SETD2: variants seen among roughly 807,000 people sequenced by gnomAD.
The protein encoded by SETD2 is histone-lysine N-methyltransferase SETD2.
In SETD2, 31 loss-of-function variants were observed where a neutral mutation model predicts 242.1. That is an observed-to-expected ratio of 0.13 (90% confidence interval 0.10 to 0.17). SETD2 has a LOEUF of 0.17. SETD2 is among the 10% of genes least tolerant of loss of function. The probability of loss-of-function intolerance (pLI) is 1.00; values close to 1 mark genes in which losing one functional copy is unlikely to be tolerated. For synonymous variants in SETD2, 1,006 were observed against 1,066.5 expected (o/e 0.94, Z 1.11); for missense variants, 2,481 against 3,046.3 (o/e 0.81, Z 4.37).
intron 13 of SETD2, among the ~76,000 whole-genome samples, chr3:47,066,061 A>C (rs2040544186): frequency 6.6e-6 from 1 of 152,204 alleles, no homozygotes; most frequent in Non-Finnish European, 1.5e-5. Context: ...CCAAGACAGC[A>C]AGACTAATCC....
intron 1 of SETD2, among the ~76,000 whole-genome samples, chr3:47,160,446 G>T (rs1313324901): frequency 1.3e-5 from 2 of 150,458 alleles, no homozygotes; most frequent in Non-Finnish European, 2.9e-5. Flanking sequence ...GATTACAGGC[G>T]CCTGCCACCA....
intron 9 of SETD2, among the ~76,000 whole-genome samples, chr3:47,096,607 G>A (rs1374974679): frequency 6.7e-6 from 1 of 150,220 alleles, no homozygotes; most frequent in South Asian, 2.1e-4. Flanking sequence ...GGGGGGCTGG[G>A]CACTGTGGCT....
At chr3:47,134,322 C>T (rs937345291) in intron 1 of SETD2, among the ~76,000 whole-genome samples, 2 of 152,248 alleles carry the variant, frequency 1.3e-5, no homozygotes, top group Admixed American at 6.5e-5. Context: ...GCACCTATGG[C>T]GTTATATATT....
rs1169772394 is a variant in SETD2, at chr3:47,044,119, G to A, written c.7099-1419C>T. ...GCACTTTGGAAGGCCGAGGCAGGTG[G>A]ATCACGAGGTCAGGAGTTTGAGACC... On this transcript the variant is annotated intron_variant, in intron 16 of 20. Coordinates refer to ENST00000409792, the MANE Select transcript of SETD2 (RefSeq NM_014159.7). Among the ~76,000 whole-genome samples the A allele has an allele frequency of 2.0e-5, 3 of 151,898 alleles. No homozygotes were observed. The East Asian group carries it at 5.8e-4, about 29-fold the overall frequency.
intron 3 of SETD2, chr3:47,119,925 T>C (rs917503463): frequency 3.7e-5 from 16 of 426,982 alleles, no homozygotes; most frequent in South Asian, 6.3e-5. Flanking sequence ...GCCTAAATTG[T>C]ACCTTGAAAA....
chr3:47,121,202 A>G lies in SETD2; in HGVS notation c.3434T>C (p.Phe1145Ser), dbSNP rs2106642362. Residue 1145 changes from phenylalanine to serine, a missense_variant, in exon 3 of 21, where the codon TTT becomes TCT. Phe to Ser is a radical substitution (Grantham distance 155). Coordinates refer to ENST00000409792, the MANE Select transcript of SETD2 (RefSeq NM_014159.7). ...TATTTGTTTTCTACTGGACTGTGTA[A>G]AAGAAATTTCCGGATTCTTCTCTGT... ...KGTEKNPEIS[F>S]TQSSRKQIDN... 6.2e-7 allele frequency: 1 copy of G among 1,614,156 alleles called. No individual in the cohort carries two copies. The highest frequency in any genetic ancestry group is 8.5e-7 in the Non-Finnish European group (1 of 1,180,018).
intron 13 of SETD2, chr3:47,064,634 A>G (rs1469795379): frequency 2.4e-6 from 1 of 421,472 alleles, no homozygotes; most frequent in Non-Finnish European, 4.9e-6. Flanking sequence ...TGATTTCCTA[A>G]TATTATAAAA....
chr3:47,150,135 T>C (rs1292677969), intron 1 of SETD2, among the ~76,000 whole-genome samples: 1 of 147,382 alleles, frequency 6.8e-6, no homozygotes, highest in Middle Eastern at 3.2e-3. Context: ...GTTCAAGCAA[T>C]TCCCCTGCCT....
chr3:47,052,563 T>C (rs1202866617), intron 15 of SETD2, among the ~76,000 whole-genome samples: 5 of 152,110 alleles, frequency 3.3e-5, no homozygotes, highest in Non-Finnish European at 7.3e-5. Flanking sequence ...AAGCCTGTAA[T>C]CCCAGCACTT....
rs761150552 is a variant in SETD2 at position 47,017,727 on chromosome 3, T to C, written c.7444A>G (p.Ile2482Val). ...CGGTAAGGGTTCAGGCACTGGACGA[T>C]GAACTGGGACATCTGCAGGCAGAGA... is the stretch of plus-strand genomic sequence containing the variant. ...EVFRKEMSQFIVQCLNPYRKP... is the reference protein window; with the variant it reads ...EVFRKEMSQFVVQCLNPYRKP... The change falls in exon 20 of 21, where the codon ATC (isoleucine) becomes GTC (valine). Residue 2482 changes from isoleucine (I) to valine (V), a missense_variant. By Grantham distance (29) the Ile-to-Val change is conservative (BLOSUM62 3). Coordinates refer to ENST00000409792, the MANE Select transcript of SETD2 (RefSeq NM_014159.7). The surrounding 1 kb of genome is among the most constrained non-coding windows in gnomAD (Gnocchi z 4.8). The C allele has an allele frequency of 6.2e-7, 1 of 1,613,256 alleles. No individual in the cohort carries two copies. The highest frequency in any genetic ancestry group is 1.7e-5 in the Admixed American group (1 of 60,010).
At chr3:47,056,097 T>TC (rs398105838) in intron 15 of SETD2, among the ~76,000 whole-genome samples, 4 of 49,054 alleles carry the variant, frequency 8.2e-5, no homozygotes, top group Non-Finnish European at 1.6e-4. Flanking sequence ...ACATGATTTT[T>TC]ATTTATTTAT....
intron 5 of SETD2, 87 bp downstream of exon 5, chr3:47,113,789 A>G (rs899657045): frequency 8.1e-6 from 11 of 1,358,848 alleles, no homozygotes; most frequent in African/African-American, 1.5e-5. Context: ...CAGTGAGCCA[A>G]GATCGTGCCA....
chr3:47,072,082 G>A (rs1012687455), intron 12 of SETD2, among the ~76,000 whole-genome samples: 15 of 152,264 alleles, frequency 9.9e-5, no homozygotes, highest in African/African-American at 3.1e-4. Context: ...GCCGAGGCGG[G>A]CAGATCACGA....
Position 47,056,947 on chromosome 3 carries a change from A to T in SETD2, c.6837T>A (p.Ser2279=). The T allele has an allele frequency of 6.2e-7, 1 of 1,614,264 alleles. No individual in the cohort carries two copies. The highest frequency in any genetic ancestry group is 8.5e-7 in the Non-Finnish European group (1 of 1,180,050). ...NYSVWDSNQQ[S]VSVQQQYSPA... is the part of the protein sequence containing the mutation. ...GAGAGTACTGCTGCTGTACACTGAC[A>T]GACTGTTGGTTTGAATCCCAAACAC... Residue 2279 remains serine, a synonymous_variant, in exon 15 of 21, where the codon TCT becomes TCA. Coordinates refer to ENST00000409792, the MANE Select transcript of SETD2 (RefSeq NM_014159.7).
intron 6 of SETD2, among the ~76,000 whole-genome samples, chr3:47,103,952 A>C (rs2042314455): frequency 6.6e-6 from 1 of 152,062 alleles, no homozygotes; most frequent in Non-Finnish European, 1.5e-5. Flanking sequence ...TCCTAATCTC[A>C]CTGCATGGTA....
chr3:47,022,231 AC>A (rs1244959017), intron 18 of SETD2, among the ~76,000 whole-genome samples: 1 of 148,628 alleles, frequency 6.7e-6, no homozygotes, highest in East Asian at 2.0e-4. Context: ...ACACACACAC[AC>A]AAATTTAGCA....
rs1397050140 is a variant in SETD2 at position 47,121,451 on chromosome 3, G to T, written c.3185C>A (p.Pro1062Gln). The T allele has an allele frequency of 6.2e-7, 1 of 1,612,716 alleles. No homozygotes were observed. The highest frequency in any genetic ancestry group is 8.5e-7 in the Non-Finnish European group (1 of 1,179,962). ...CACAACAGACTGGAGACGGTTTCTT[G>T]GAATACTGCTATCATCCGAATCTGT... ...EDTDSDDSSIPRNRLQSVVVV... is the reference protein window; with the variant it reads ...EDTDSDDSSIQRNRLQSVVVV... Residue 1062 changes from proline (P) to glutamine (Q), a missense_variant, in exon 3 of 21, where the codon CCA (proline) becomes CAA (glutamine). Physicochemically the swap from Pro to Gln is moderately conservative, Grantham distance 76. Coordinates refer to ENST00000409792, the MANE Select transcript of SETD2 (RefSeq NM_014159.7).
At chr3:47,102,665 G>A (rs548974456) in intron 7 of SETD2, among the ~76,000 whole-genome samples, 7 of 150,882 alleles carry the variant, frequency 4.6e-5, no homozygotes, top group East Asian at 2.0e-4. Flanking sequence ...GTGATGGCAC[G>A]CACGTGTAAT....
At chr3:47,081,305 C>T (rs2041307489) in intron 12 of SETD2, among the ~76,000 whole-genome samples, 1 of 152,162 alleles carries the variant, frequency 6.6e-6, no homozygotes, top group Non-Finnish European at 1.5e-5. Flanking sequence ...AACACATGTC[C>T]ACCAATGTTA....
Sources: gnomAD v4.1 joint callset for allele counts (sites outside exome capture counted in the v4.1 genomes callset) on GRCh38, gnomAD v4.1.1 for gene constraint, Gnocchi (gnomAD v3.1) non-coding constraint, MANE v1.5 for transcripts, NCBI Gene and HGNC (gene_info 2026-07-23, HGNC 2026-07-21) for gene names.